Variants in PAFAH2 observed in about 807,000 individuals in gnomAD.
PAFAH2 encodes the protein platelet-activating factor acetylhydrolase 2, cytoplasmic.
In PAFAH2, 42 loss-of-function variants were observed where a neutral mutation model predicts 49.0. That is an observed-to-expected ratio of 0.86 (90% CI 0.67 to 1.11). The LOEUF is 1.11. Among genes scored for constraint, PAFAH2 ranks in the 50% least tolerant of loss-of-function variants. PAFAH2 has a pLI of 0.00. For missense variants in PAFAH2, 503 were observed against 501.8 expected (o/e 1.00, Z -0.02); for synonymous variants, 184 against 181.3 (o/e 1.01, Z -0.12).
At chr1:25,983,562 C>A (rs12136914) in intron 6 of PAFAH2, among the ~76,000 whole-genome samples, 2,976 of 63,256 alleles carry the variant, frequency 0.047, 167 homozygotes, top group Non-Finnish European at 0.077. Flanking sequence ...GTCTCAAAAA[C>A]AAAAAAAAAA....
intron 7 of PAFAH2, 137 bp downstream of exon 7, chr1:25,982,227 T>C (rs1270977274): frequency 3.2e-6 from 2 of 628,268 alleles, no homozygotes; most frequent in Admixed American, 2.6e-5. Flanking sequence ...TGGCCTAAAG[T>C]TGGCCTTTGA....
Position 25,972,626 on chromosome 1 carries a change from C to T in PAFAH2, c.1016G>A (p.Ser339Asn). The T allele has an allele frequency of 1.2e-6, 2 of 1,613,924 alleles. No individual in the cohort carries two copies. Among genetic ancestry groups the T allele is most frequent in the Non-Finnish European group, 1.7e-6 (2 of 1,179,822 alleles). Residue 339 changes from serine to asparagine, a missense_variant, in exon 10 of 11, where the codon AGC becomes AAC. By Grantham distance (46) the Ser-to-Asn change is conservative. Coordinates refer to ENST00000374282, the MANE Select transcript of PAFAH2 (RefSeq NM_000437.4). ...CTCCTGCCCTTCATAGGGGTCCAGGCTCCCACGGGTTTCAGTGGAGAAGAA... is the reference window on the plus strand; with the variant it reads ...CTCCTGCCCTTCATAGGGGTCCAGGTTCCCACGGGTTTCAGTGGAGAAGAA... ...GKFFSTETRG[S>N]LDPYEGQEVM...
intron 9 of PAFAH2, among the ~76,000 whole-genome samples, chr1:25,973,185 T>C (rs919652432): frequency 6.6e-6 from 1 of 152,232 alleles, no homozygotes; most frequent in African/African-American, 2.4e-5. Context: ...ATTACTTGCC[T>C]TTATTTAAAC....
intron 10 of PAFAH2, among the ~76,000 whole-genome samples, chr1:25,970,293 C>G (rs770803361): frequency 6.6e-6 from 1 of 152,134 alleles, no homozygotes; most frequent in Non-Finnish European, 1.5e-5. Context: ...ATGGTGAAAC[C>G]CTGTCTCTAC....
intron 10 of PAFAH2, among the ~76,000 whole-genome samples, chr1:25,967,936 TGG>T (rs1479852143): frequency 6.6e-6 from 1 of 151,808 alleles, no homozygotes; most frequent in African/African-American, 2.4e-5. Context: ...GTGGCCGAGG[TGG>T]GCGGATGACT....
chr1:25,986,244 A>G (rs2124358330), intron 4 of PAFAH2, among the ~76,000 whole-genome samples: 1 of 152,340 alleles, frequency 6.6e-6, no homozygotes, highest in Non-Finnish European at 1.5e-5. Context: ...CATCCAAACT[A>G]AGATCTTAAA....
At chr1:25,991,571 C>T (rs1263039812) in intron 1 of PAFAH2, among the ~76,000 whole-genome samples, 6 of 148,496 alleles carry the variant, frequency 4.0e-5, no homozygotes, top group South Asian at 2.2e-4. Flanking sequence ...CGTGAGCCAC[C>T]GCGCCTGGCC....
Position 25,978,968 on chromosome 1 carries a change from C to T in PAFAH2, c.667-2195G>A, listed in dbSNP as rs894232632. Among the ~76,000 whole-genome samples, 20 of 152,312 alleles carry T rather than the reference C, an allele frequency of 1.3e-4. 1 individual carries two copies. The highest frequency in any genetic ancestry group is 4.1e-4 in the African/African-American group (17 of 41,572). On this transcript the variant is annotated intron_variant, in intron 7 of 10. Coordinates refer to ENST00000374282, the MANE Select transcript of PAFAH2 (RefSeq NM_000437.4). ...ATCAAACTTTTGCCATAACAAACAA[C>T]GCTGGAATGAATAACACTGTCCATC...
At chr1:25,969,291 G>T (rs2049472500) in intron 10 of PAFAH2, among the ~76,000 whole-genome samples, 1 of 152,204 alleles carries the variant, frequency 6.6e-6, no homozygotes, top group Admixed American at 6.5e-5. Context: ...CAAACATTGT[G>T]TTGTCAAGGA....
At chr1:25,969,623 G>A (rs910303407) in intron 10 of PAFAH2, among the ~76,000 whole-genome samples, 3 of 152,148 alleles carry the variant, frequency 2.0e-5, no homozygotes, top group African/African-American at 4.8e-5. Context: ...AGAATTACAC[G>A]CGATAAAGCA....
Position 25,961,897 on chromosome 1 carries a change from T to C in PAFAH2, c.*92A>G. 7.3e-6 allele frequency: 6 copies of C among 822,516 alleles called. No homozygotes were observed. In the Admixed American group the frequency reaches 8.3e-5, roughly 11 times the overall value. 51.0% of individuals were successfully genotyped at this position (822,516 alleles called of 1,614,324 possible). A position where few individuals can be genotyped will look rare whatever the true frequency, so the allele number is the denominator to read the frequency against. On this transcript the variant is annotated 3_prime_UTR_variant, in exon 11 of 11. Coordinates refer to ENST00000374282, the MANE Select transcript of PAFAH2 (RefSeq NM_000437.4). ...TTTCAATCTGTGAAAAGGGGTCACG[T>C]TGATCACTTCTTGATAGGAGCTCAT...
At chr1:25,966,418 A>G (rs1301566203) in intron 10 of PAFAH2, among the ~76,000 whole-genome samples, 1 of 152,182 alleles carries the variant, frequency 6.6e-6, no homozygotes, top group African/African-American at 2.4e-5. Context: ...GTACAGATAT[A>G]CCATGGGATA....
chr1:25,965,464 A>G (rs1267519640), intron 10 of PAFAH2, among the ~76,000 whole-genome samples: 1 of 152,214 alleles, frequency 6.6e-6, no homozygotes, highest in Non-Finnish European at 1.5e-5. Flanking sequence ...TAGACAACCT[A>G]CAGAATGGAA....
chr1:25,990,628 T>C, intron 2 of PAFAH2, 99 bp downstream of exon 2: 1 of 994,446 alleles, frequency 1.0e-6, no homozygotes, highest in Non-Finnish European at 1.5e-6. Flanking sequence ...TCTAATTCAT[T>C]TTCCCCACCG....
In PAFAH2 at chr1:25,976,696, C is replaced by T. The variant is rs1211491651; in HGVS notation, c.744G>A (p.Lys248=). Residue 248 remains lysine (K), a synonymous_variant, in exon 8 of 11, where the codon AAG becomes AAA. Transcript: ENST00000374282. ...AGGAAACTCACCGAAATTGGGTCTC[C>T]TTGGCCAAAGCCAGAATAGCTGTGG... is the stretch of plus-strand genomic sequence containing the variant. ...GGATAILALA[K]ETQFRCAVAL... 3 of 1,614,150 alleles carry T rather than the reference C, an allele frequency of 1.9e-6. No homozygotes were observed. The Admixed American group carries it at 5.0e-5, about 27-fold the overall frequency.
rs549822741 is a variant in PAFAH2 at position 25,978,888 on chromosome 1, C to T, written c.667-2115G>A. 2.0e-5 allele frequency among the ~76,000 whole-genome samples: 3 copies of T among 152,340 alleles called. No homozygotes were observed. In the South Asian group the frequency reaches 6.2e-4, roughly 32 times the overall value. On this transcript the variant is annotated intron_variant, in intron 7 of 10. Transcript: ENST00000374282. ...GCAATTAGCATTAACCAAGCAAATA[C>T]ATCCACTGTCCCATAATTAAACCAG...
At chr1:25,966,130 G>A (rs1241964394) in intron 10 of PAFAH2, among the ~76,000 whole-genome samples, 1 of 152,144 alleles carries the variant, frequency 6.6e-6, no homozygotes, top group African/African-American at 2.4e-5. Flanking sequence ...AAATGCTGGT[G>A]AGGATGCAGA....
At chr1:25,996,483 A>G (rs1017653769) in intron 1 of PAFAH2, among the ~76,000 whole-genome samples, 3 of 152,184 alleles carry the variant, frequency 2.0e-5, no homozygotes, top group African/African-American at 7.2e-5. Context: ...ACTAAAAAAA[A>G]TACAAAATAT....
intron 10 of PAFAH2, among the ~76,000 whole-genome samples, chr1:25,971,221 T>G (rs758584339): frequency 2.0e-5 from 3 of 152,178 alleles, no homozygotes; most frequent in Non-Finnish European, 2.9e-5. Context: ...GAAACTGCCC[T>G]GCACACAGCA....
Sources: gnomAD v4.1 joint callset for allele counts (sites outside exome capture counted in the v4.1 genomes callset) on GRCh38, gnomAD v4.1.1 for gene constraint, MANE v1.5 for transcripts, NCBI Gene and HGNC (gene_info 2026-07-23, HGNC 2026-07-21) for gene names.